The following GRIP1 variants were observed in gnomAD, a reference collection of about 807,000 sequenced individuals.
GRIP1 encodes the protein glutamate receptor-interacting protein 1.
In GRIP1, 45 loss-of-function variants were observed where a neutral mutation model predicts 129.9. The observed-to-expected ratio is 0.35, with a 90% confidence interval of 0.27 to 0.44. The LOEUF (loss-of-function observed/expected upper bound fraction) is 0.44. GRIP1 is among the 20% of genes least tolerant of loss of function. The pLI is 1.00. For missense variants in GRIP1, 1,196 were observed against 1,396.8 expected (o/e 0.86, Z 2.29); for synonymous variants, 530 against 520.8 (o/e 1.02, Z -0.24).
rs187482561 is a variant in GRIP1, at chr12:66,450,872, G to A, written c.1354+4537C>T. 3.3e-5 allele frequency among the ~76,000 whole-genome samples: 5 copies of A among 152,264 alleles called. No homozygotes were observed. The East Asian group carries it at 9.6e-4, about 29-fold the overall frequency. ...ATATTAACTTGGAGGAGAAAAAAAT[G>A]AGCTTGATTATCCTGCTTCATTAAT... is the stretch of plus-strand genomic sequence containing the variant. On this transcript the variant is annotated intron_variant, in intron 11 of 24. Transcript: ENST00000359742.
intron 1 of GRIP1, among the ~76,000 whole-genome samples, chr12:66,815,854 T>TTCTCTCTCTCTC (rs1555241803): frequency 3.3e-4 from 38 of 116,830 alleles, no homozygotes; most frequent in East Asian, 1.8e-3. Flanking sequence ...CTTTCTTTCT[T>TTCTCTCTCTCTC]TCTCTCTCTC....
At chr12:66,703,191 A>G (rs549650381) in intron 1 of GRIP1, among the ~76,000 whole-genome samples, 1 of 152,128 alleles carries the variant, frequency 6.6e-6, no homozygotes, top group African/African-American at 2.4e-5. Context: ...TGTGAATGTG[A>G]TCTACTAAGG....
chr12:66,838,699 A>T (rs563056923), intron 1 of GRIP1, among the ~76,000 whole-genome samples: 65 of 152,312 alleles, frequency 4.3e-4, no homozygotes, highest in Non-Finnish European at 2.6e-4. Flanking sequence ...TGGACTGATA[A>T]AAATAGGTGA....
intron 1 of GRIP1, among the ~76,000 whole-genome samples, chr12:66,597,156 G>T (rs548423863): frequency 6.6e-6 from 1 of 152,226 alleles, no homozygotes; most frequent in East Asian, 1.9e-4. Flanking sequence ...CTACTTCTTA[G>T]GGTTGTCAGG....
chr12:67,008,104 CTT>C (rs1048960907), intron 1 of GRIP1, among the ~76,000 whole-genome samples: 13 of 152,102 alleles, frequency 8.5e-5, no homozygotes, highest in African/African-American at 3.1e-4. Context: ...TGTATTTAAA[CTT>C]TTCTTTTTGA....
chr12:66,504,511 G>A (rs2060475201), intron 7 of GRIP1, among the ~76,000 whole-genome samples: 1 of 152,174 alleles, frequency 6.6e-6, no homozygotes, highest in Non-Finnish European at 1.5e-5. Context: ...GTAATCATAT[G>A]TACCTGTAGT....
At chr12:67,042,577 T>C (rs2043196672) in intron 1 of GRIP1, among the ~76,000 whole-genome samples, 1 of 152,226 alleles carries the variant, frequency 6.6e-6, no homozygotes. Flanking sequence ...ATTGCTTATG[T>C]GTCCTAAATT....
intron 1 of GRIP1, among the ~76,000 whole-genome samples, chr12:66,701,405 C>T (rs1320206723): frequency 6.6e-6 from 1 of 151,980 alleles, no homozygotes; most frequent in East Asian, 1.9e-4. Flanking sequence ...GTACAAGGTA[C>T]AAGACATAAA....
intron 1 of GRIP1, among the ~76,000 whole-genome samples, chr12:67,033,271 GTA>G (rs3051221): frequency 0.29 from 41,567 of 142,798 alleles, 5,829 homozygotes; most frequent in Non-Finnish European, 0.31. Context: ...AAGACTACAT[GTA>G]TATATATATA....
At chr12:67,018,933 G>A (rs11176537) in intron 1 of GRIP1, among the ~76,000 whole-genome samples, 2 of 151,842 alleles carry the variant, frequency 1.3e-5, no homozygotes, top group Admixed American at 6.6e-5. Flanking sequence ...CTAAAATCCA[G>A]CTAGGAAAGA....
chr12:66,551,571 CT>C (rs10719369), intron 2 of GRIP1, among the ~76,000 whole-genome samples: 13,997 of 114,234 alleles, frequency 0.12, 438 homozygotes, highest in Middle Eastern at 0.2. Flanking sequence ...GGCTAGAATC[CT>C]TTTTTTTTTT....
chr12:66,912,394 G>A (rs763809714), intron 1 of GRIP1, among the ~76,000 whole-genome samples: 5 of 151,888 alleles, frequency 3.3e-5, no homozygotes, highest in Non-Finnish European at 7.4e-5. Flanking sequence ...ACAGAAGCCT[G>A]TTTTCTAAAA....
intron 1 of GRIP1, among the ~76,000 whole-genome samples, chr12:67,046,643 T>G (rs527623641): frequency 4.0e-4 from 61 of 152,332 alleles, no homozygotes; most frequent in Non-Finnish European, 6.5e-4. Flanking sequence ...GTATTTTTAA[T>G]TCAAACCTAT....
At chr12:66,708,476 T>C (rs1565979890) in intron 1 of GRIP1, among the ~76,000 whole-genome samples, 2 of 152,002 alleles carry the variant, frequency 1.3e-5, no homozygotes, top group Non-Finnish European at 2.9e-5. Flanking sequence ...TCTGTTAGGA[T>C]ATTTTCATTT....
intron 1 of GRIP1, among the ~76,000 whole-genome samples, chr12:66,825,990 T>C (rs2039405012): frequency 6.6e-6 from 1 of 152,174 alleles, no homozygotes; most frequent in Non-Finnish European, 1.5e-5. Context: ...ATCATTCTAC[T>C]ATAAAGACAG....
intron 1 of GRIP1, among the ~76,000 whole-genome samples, chr12:66,988,316 G>T (rs2042344138): frequency 1.3e-5 from 2 of 152,094 alleles, no homozygotes; most frequent in Non-Finnish European, 2.9e-5. Context: ...AGATAAACAT[G>T]CAAATATTTA....
At chr12:66,446,551 A>G (rs1185922671) in intron 11 of GRIP1, among the ~76,000 whole-genome samples, 2 of 151,386 alleles carry the variant, frequency 1.3e-5, no homozygotes, top group African/African-American at 4.9e-5. Flanking sequence ...TGATTCAACT[A>G]CTCCTATTTA....
intron 1 of GRIP1, among the ~76,000 whole-genome samples, chr12:66,754,733 C>T (rs1390629934): frequency 6.6e-6 from 1 of 152,112 alleles, no homozygotes; most frequent in Admixed American, 6.6e-5. Flanking sequence ...CTGAGGAAGT[C>T]CCCATTTTCA....
At chr12:66,740,390 T>C (rs918254681) in intron 1 of GRIP1, among the ~76,000 whole-genome samples, 5 of 152,268 alleles carry the variant, frequency 3.3e-5, no homozygotes, top group African/African-American at 1.2e-4. Context: ...TCAGCATCAG[T>C]GTACAGTTCT....
Sources: allele counts gnomAD v4.1 joint callset (sites outside exome capture counted in the v4.1 genomes callset), GRCh38; gene constraint gnomAD v4.1.1; transcripts MANE v1.5; gene names NCBI Gene and HGNC (gene_info 2026-07-23, HGNC 2026-07-21).